The following NBAS variants were observed in gnomAD, a reference collection of about 807,000 sequenced individuals.
NBAS encodes the protein NAG/BC035112 fusion.
Under a neutral mutation model 302.5 loss-of-function variants are expected in NBAS, and 219 were observed. The observed-to-expected ratio is 0.72, with a 90% CI of 0.65 to 0.81. NBAS has a LOEUF of 0.81. Among genes scored for constraint, NBAS ranks in the 30% least tolerant of loss-of-function variants. The probability of loss-of-function intolerance (pLI) is 0.00; values close to 1 mark genes in which losing one functional copy is unlikely to be tolerated. For missense variants in NBAS, 2,932 were observed against 2,841.6 expected (o/e 1.03, Z -0.72); for synonymous variants, 1,118 against 1,021.6 (o/e 1.09, Z -1.80).
At chr2:15,173,958 A>G (rs1462027959) in intron 51 of NBAS, among the ~76,000 whole-genome samples, 1 of 152,216 alleles carries the variant, frequency 6.6e-6, no homozygotes, top group Non-Finnish European at 1.5e-5. Context: ...CACTTCATAC[A>G]CAGTGCCAGG....
At chr2:15,262,879 TGC>T (rs2148019146) in intron 44 of NBAS, among the ~76,000 whole-genome samples, 1 of 152,350 alleles carries the variant, frequency 6.6e-6, no homozygotes, top group South Asian at 2.1e-4. Flanking sequence ...TAAGGAACTC[TGC>T]GAGGTGATTC....
intron 32 of NBAS, among the ~76,000 whole-genome samples, chr2:15,363,805 G>T (rs1028566620): frequency 6.6e-6 from 1 of 152,284 alleles, no homozygotes; most frequent in East Asian, 1.9e-4. Context: ...ATCTGAGCAG[G>T]TGGATTAAAT....
At chr2:14,912,840 A>G in the NBAS span, among the ~76,000 whole-genome samples, 3 of 151,978 alleles carry the variant, frequency 2.0e-5, no homozygotes, top group Non-Finnish European at 2.9e-5. Flanking sequence ...CTCCTATTCT[A>G]TATCCTGGTT....
intron 11 of NBAS, among the ~76,000 whole-genome samples, chr2:15,493,160 T>TC (rs778586651): frequency 6.6e-6 from 1 of 152,314 alleles, no homozygotes; most frequent in East Asian, 1.9e-4. Context: ...CTGCTTTGTT[T>TC]CCCCTTCATC....
chr2:15,391,827 GA>G (rs1333839256), intron 28 of NBAS, among the ~76,000 whole-genome samples: 1 of 147,964 alleles, frequency 6.8e-6, no homozygotes. Context: ...TTTCTCTGTG[GA>G]AAAAAATGCA....
At chr2:14,887,179 G>A in the NBAS span, among the ~76,000 whole-genome samples, 1 of 152,134 alleles carries the variant, frequency 6.6e-6, no homozygotes, top group Non-Finnish European at 1.5e-5. Flanking sequence ...CAAGGCGGAT[G>A]GATCACTTGA....
chr2:14,813,340 G>A, the NBAS span, among the ~76,000 whole-genome samples: 1 of 152,154 alleles, frequency 6.6e-6, no homozygotes, highest in Non-Finnish European at 1.5e-5. Flanking sequence ...GAATGGTTTT[G>A]GCCAAAATAC....
At chr2:15,468,343 G>C in intron 17 of NBAS, 39 bp downstream of exon 17, 1 of 1,612,494 alleles carries the variant, frequency 6.2e-7, no homozygotes, top group East Asian at 2.2e-5. Flanking sequence ...TTTTCACAAA[G>C]TCACCTTTAC....
the NBAS span, among the ~76,000 whole-genome samples, chr2:15,000,181 C>T: frequency 9.8e-5 from 15 of 152,328 alleles, no homozygotes; most frequent in East Asian, 2.7e-3. Context: ...ACCATGCTGG[C>T]TTAATCTCAC....
chr2:15,239,546 A>C (rs533312873), intron 44 of NBAS, among the ~76,000 whole-genome samples: 83 of 152,076 alleles, frequency 5.5e-4, no homozygotes, highest in African/African-American at 1.9e-3. Context: ...AAAATGCTCC[A>C]ATAAGCATTT....
chr2:15,215,154 T>C (rs551117104), intron 48 of NBAS, among the ~76,000 whole-genome samples: 1 of 152,264 alleles, frequency 6.6e-6, no homozygotes, highest in East Asian at 1.9e-4. Context: ...TGCCCCCATG[T>C]CCCTCTCTTT....
rs1268979228 is a variant in NBAS, at chr2:15,495,215, C to A, written c.955-6193G>T. ...TAAGCTCTCAAAACTAACCGGCCTG[C>A]ACCCACTTGTACAGGGGAAGTCCCA... is the stretch of plus-strand genomic sequence containing the variant. On this transcript the variant is annotated intron_variant, in intron 11 of 51. Transcript: ENST00000281513. Among the ~76,000 whole-genome samples the A allele has an allele frequency of 2.6e-5, 4 of 152,186 alleles. No homozygotes were observed. The East Asian group carries it at 7.7e-4, about 29-fold the overall frequency.
the NBAS span, among the ~76,000 whole-genome samples, chr2:14,952,359 G>C: frequency 6.6e-6 from 1 of 152,218 alleles, no homozygotes. Context: ...AGAGGACAAA[G>C]ATTATTTTTC....
intron 44 of NBAS, among the ~76,000 whole-genome samples, chr2:15,254,627 T>C (rs1023683628): frequency 6.6e-6 from 1 of 152,198 alleles, no homozygotes; most frequent in African/African-American, 2.4e-5. Flanking sequence ...ATTTCTGATA[T>C]TTTGGTGTAC....
At chr2:15,084,593 C>G in the NBAS span, among the ~76,000 whole-genome samples, 2 of 151,946 alleles carry the variant, frequency 1.3e-5, no homozygotes, top group Non-Finnish European at 2.9e-5. Flanking sequence ...AACACTGATT[C>G]CAGAAGCTCT....
chr2:15,478,288 G>A lies in NBAS; in HGVS notation c.1085C>T (p.Pro362Leu). The A allele has an allele frequency of 1.2e-6, 2 of 1,608,762 alleles. No homozygotes were observed. The highest frequency in any genetic ancestry group is 2.2e-5 in the East Asian group (1 of 44,794). Residue 362 changes from proline (P) to leucine (L), a missense_variant and splice_region_variant, in exon 13 of 52, where the codon CCA becomes CTA. Pro to Leu is a moderately conservative substitution (Grantham distance 98). Coordinates refer to ENST00000281513, the MANE Select transcript of NBAS (RefSeq NM_015909.4). ...ATCAGGATTAAGGTCATCATAGCCT[G>A]GCTAAATATGAAAATAATGACTTCC... ...QQGEWGQNEQ[P>L]GYDDLNPDWR...
chr2:15,452,464 T>C (rs146109289), intron 21 of NBAS, among the ~76,000 whole-genome samples: 1,931 of 151,716 alleles, frequency 0.013, 32 homozygotes, highest in East Asian at 0.06. Flanking sequence ...GGCGGGTGCC[T>C]GTAGTCCCAG....
chr2:15,252,490 C>G (rs1668410357), intron 44 of NBAS, among the ~76,000 whole-genome samples: 1 of 151,278 alleles, frequency 6.6e-6, no homozygotes, highest in Non-Finnish European at 1.5e-5. Flanking sequence ...AAGAGCGAAA[C>G]TCCATCTCAA....
chr2:14,896,886 T>C, the NBAS span, among the ~76,000 whole-genome samples: 1 of 152,134 alleles, frequency 6.6e-6, no homozygotes, highest in Non-Finnish European at 1.5e-5. Flanking sequence ...TTGTTAAAAA[T>C]TTGCATAACA....
Sources: gnomAD v4.1 joint callset for allele counts (sites outside exome capture counted in the v4.1 genomes callset) on GRCh38, gnomAD v4.1.1 for gene constraint, MANE v1.5 for transcripts, NCBI Gene and HGNC (gene_info 2026-07-23, HGNC 2026-07-21) for gene names.